The following FAM81A variants were observed in gnomAD, a reference collection of about 807,000 sequenced individuals.
FAM81A encodes family with sequence similarity 81 member A.
In FAM81A, 19 loss-of-function variants were observed where a neutral mutation model predicts 46.7. The observed-to-expected ratio is 0.41, with a 90% CI of 0.28 to 0.60. The LOEUF is 0.60. FAM81A is among the 20% of genes least tolerant of loss of function. The probability of loss-of-function intolerance (pLI) is 0.34; values close to 1 mark genes in which losing one functional copy is unlikely to be tolerated. For synonymous variants in FAM81A, 183 were observed against 152.9 expected, an observed-to-expected ratio of 1.20 and a Z score of -1.45; for missense variants, 377 against 453.5, an observed-to-expected ratio of 0.83 and a Z score of 1.53.
At chr15:59,449,712 G>T (rs1344693963) in intron 1 of FAM81A, among the ~76,000 whole-genome samples, 1 of 144,724 alleles carries the variant, frequency 6.9e-6, no homozygotes, top group Non-Finnish European at 1.5e-5. Context: ...AACCCGGGAA[G>T]CGGAGCTTGC....
chr15:59,425,999 A>G (rs574942710), intron 2 of FAM81A, among the ~76,000 whole-genome samples: 3 of 152,348 alleles, frequency 2.0e-5, no homozygotes, highest in African/African-American at 4.8e-5. Flanking sequence ...TTATTAAAAT[A>G]TATTTGGAAC....
chr15:59,446,443 C>T (rs1390710234), intron 1 of FAM81A: 1 of 152,252 alleles, frequency 6.6e-6, no homozygotes, highest in East Asian at 1.9e-4. Flanking sequence ...TTGGCCGCCT[C>T]CCTTCAGTTA....
intron 3 of FAM81A, among the ~76,000 whole-genome samples, chr15:59,489,986 A>T (rs1397497320): frequency 6.6e-6 from 1 of 152,206 alleles, no homozygotes; most frequent in Non-Finnish European, 1.5e-5. Flanking sequence ...CTGTACAACA[A>T]CACATTAAAC....
intron 4 of FAM81A, among the ~76,000 whole-genome samples, chr15:59,495,702 T>C (rs565866194): frequency 2.0e-5 from 3 of 152,336 alleles, no homozygotes; most frequent in Admixed American, 6.5e-5. Context: ...TTTTCGATTA[T>C]AGCCATCCCA....
intron 2 of FAM81A, among the ~76,000 whole-genome samples, chr15:59,412,536 G>A (rs969614622): frequency 5.3e-5 from 8 of 151,962 alleles, no homozygotes; most frequent in Admixed American, 3.3e-4. Flanking sequence ...GATTAGCCTC[G>A]GCAACATGGC....
chr15:59,457,072 G>A (rs1300087251), intron 1 of FAM81A, among the ~76,000 whole-genome samples: 1 of 152,126 alleles, frequency 6.6e-6, no homozygotes, highest in African/African-American at 2.4e-5. Flanking sequence ...CTAAATAACA[G>A]CATTTCCCAC....
At chr15:59,491,652 C>T (rs74736809) in intron 3 of FAM81A, among the ~76,000 whole-genome samples, 12,384 of 152,166 alleles carry the variant, frequency 0.081, 604 homozygotes, top group African/African-American at 0.13. Context: ...TTACACATTG[C>T]ATGCCTGTAT....
intron 3 of FAM81A, among the ~76,000 whole-genome samples, chr15:59,491,579 T>G (rs1266437779): frequency 1.3e-5 from 2 of 152,220 alleles, no homozygotes; most frequent in African/African-American, 4.8e-5. Context: ...ATAATTGGGT[T>G]GTTTGTAATA....
At chr15:59,446,970 A>C (rs2081360253) in intron 1 of FAM81A, among the ~76,000 whole-genome samples, 1 of 152,296 alleles carries the variant, frequency 6.6e-6, no homozygotes, top group South Asian at 2.1e-4. Flanking sequence ...TTTTGTTGTT[A>C]TTGTCATTCA....
chr15:59,479,650 C>G (rs2081824330), intron 3 of FAM81A, among the ~76,000 whole-genome samples: 1 of 151,676 alleles, frequency 6.6e-6, no homozygotes. Flanking sequence ...GGGGATCACT[C>G]CAGAGCGAGG....
intron 7 of FAM81A, among the ~76,000 whole-genome samples, chr15:59,515,066 GAAACCCCATCTCTACAAA>G (rs2082252657): frequency 6.6e-6 from 1 of 152,028 alleles, no homozygotes; most frequent in African/African-American, 2.4e-5. Flanking sequence ...GAAACATGGT[GAAACCCCATCTCTACAAA>G]AAACACAAAA....
At chr15:59,510,922 C>T (rs2082201524) in intron 6 of FAM81A, among the ~76,000 whole-genome samples, 1 of 151,050 alleles carries the variant, frequency 6.6e-6, no homozygotes, top group Non-Finnish European at 1.5e-5. Context: ...TTGAGGCGGG[C>T]AGATCACCTG....
intron 6 of FAM81A, among the ~76,000 whole-genome samples, chr15:59,510,909 A>C (rs1048428657): frequency 6.6e-6 from 1 of 151,762 alleles, no homozygotes; most frequent in Non-Finnish European, 1.5e-5. Flanking sequence ...GCACTTTGGA[A>C]GGTTGAGGCG....
intron 4 of FAM81A, among the ~76,000 whole-genome samples, chr15:59,492,926 A>G (rs536215766): frequency 2.0e-5 from 3 of 152,334 alleles, no homozygotes; most frequent in African/African-American, 7.2e-5. Context: ...CTACTGAGTT[A>G]GAATCTGCAT....
At chr15:59,458,815 A>AC (rs1202136911) in intron 2 of FAM81A, among the ~76,000 whole-genome samples, 169 bp downstream of exon 2, 1 of 152,204 alleles carries the variant, frequency 6.6e-6, no homozygotes, top group African/African-American at 2.4e-5. Context: ...CCACTCAGTG[A>AC]CCCCAAGAAG....
At chr15:59,443,472 A>G (rs1212738365) in intron 1 of FAM81A, among the ~76,000 whole-genome samples, 1 of 152,090 alleles carries the variant, frequency 6.6e-6, no homozygotes, top group Non-Finnish European at 1.5e-5. Flanking sequence ...CATTTCCTCT[A>G]ATCTGGGACC....
Position 59,460,115 on chromosome 15 carries a change from AAG to A in FAM81A, c.204_205del (p.Gly70ArgfsTer2). On this transcript the variant is annotated frameshift_variant, in exon 3 of 9. Coordinates refer to ENST00000288228, the MANE Select transcript of FAM81A (RefSeq NM_152450.3). LOFTEE classifies it high-confidence loss of function. This position sits in a 1 kb window ranked among gnomAD's most constrained non-coding sequence, Gnocchi z 4.4. ...AACAGTTTGCAGAAAATGCAAAACA[AAG>A]GGGGAGGTGACCGCTTGGCCAGGCT... 1 of 1,614,044 alleles carries A rather than the reference AAG, an allele frequency of 6.2e-7. No individual in the cohort carries two copies. The highest frequency in any genetic ancestry group is 8.5e-7 in the Non-Finnish European group (1 of 1,179,888).
intron 3 of FAM81A, among the ~76,000 whole-genome samples, chr15:59,466,072 T>C (rs190795871): frequency 2.5e-4 from 38 of 152,250 alleles, no homozygotes; most frequent in Non-Finnish European, 5.1e-4. Flanking sequence ...TATTTCATGG[T>C]GTATATGTGC....
At chr15:59,483,237 C>A (rs1316329445) in intron 3 of FAM81A, among the ~76,000 whole-genome samples, 1 of 151,998 alleles carries the variant, frequency 6.6e-6, no homozygotes, top group Non-Finnish European at 1.5e-5. Flanking sequence ...GGGGGTTTCA[C>A]CATTTTGGCC....
Sources: gnomAD v4.1 joint callset for allele counts (sites outside exome capture counted in the v4.1 genomes callset) on GRCh38, gnomAD v4.1.1 for gene constraint, Gnocchi (gnomAD v3.1) non-coding constraint, MANE v1.5 for transcripts, NCBI Gene and HGNC (gene_info 2026-07-23, HGNC 2026-07-21) for gene names.